DYNLT5: variants seen among roughly 807,000 people sequenced by gnomAD.
The protein encoded by DYNLT5 is dynein light chain Tctex-type 5.
A neutral mutation model predicts 19.3 loss-of-function variants in DYNLT5; 25 were observed. That is an observed-to-expected ratio of 1.30 (90% CI 0.95 to 1.81). The LOEUF (loss-of-function observed/expected upper bound fraction) is 1.81. Among genes scored for constraint, DYNLT5 ranks in the 40% most tolerant of loss-of-function variants. DYNLT5 has a pLI of 0.00. For synonymous variants in DYNLT5, 82 were observed against 68.9 expected (o/e 1.19, Z -0.94); for missense variants, 232 against 217.9 (o/e 1.06, Z -0.41).
chr1:66,757,515 G>C (rs556136390), intron 2 of DYNLT5, among the ~76,000 whole-genome samples: 1 of 152,144 alleles, frequency 6.6e-6, no homozygotes, highest in Admixed American at 6.5e-5. Context: ...ATTTCTGTTA[G>C]ACCTGGACAT....
intron 2 of DYNLT5, among the ~76,000 whole-genome samples, chr1:66,766,408 T>C (rs189038486): frequency 6.6e-6 from 1 of 152,326 alleles, no homozygotes; most frequent in Admixed American, 6.5e-5. Flanking sequence ...ATTTACTTTT[T>C]GGGTATCTCA....
chr1:66,756,287 T>C (rs1464643253), intron 2 of DYNLT5, among the ~76,000 whole-genome samples: 2 of 152,196 alleles, frequency 1.3e-5, no homozygotes, highest in Non-Finnish European at 2.9e-5. Context: ...ATGATCAGCT[T>C]CCAAGTCCCC....
chr1:66,764,321 T>C (rs942532741), intron 2 of DYNLT5, among the ~76,000 whole-genome samples: 3 of 152,262 alleles, frequency 2.0e-5, no homozygotes, highest in Non-Finnish European at 2.9e-5. Flanking sequence ...CTTGGTTATT[T>C]CTAGCTTTTG....
At chr1:66,765,369 A>G (rs2094652888) in intron 2 of DYNLT5, among the ~76,000 whole-genome samples, 2 of 152,180 alleles carry the variant, frequency 1.3e-5, no homozygotes, top group South Asian at 4.1e-4. Context: ...GTTCAATATT[A>G]TCTCTTCCTG....
chr1:66,766,228 A>G (rs1572548043), intron 2 of DYNLT5, among the ~76,000 whole-genome samples: 1 of 152,232 alleles, frequency 6.6e-6, no homozygotes, highest in African/African-American at 2.4e-5. Context: ...TTTAAAAAAT[A>G]AAACCGTAGC....
chr1:66,777,185 C>A lies in DYNLT5; in HGVS notation c.337-66C>A, dbSNP rs1645241272. The A allele has an allele frequency of 5.2e-6, 7 of 1,337,584 alleles. No homozygotes were observed. The East Asian group carries it at 1.6e-4, about 31-fold the overall frequency. 82.9% of individuals were successfully genotyped at this position (1,337,584 alleles called of 1,614,324 possible). ...TAAATTAAATCCCTTATATTTATAA[C>A]AAAGGTTAATGCTTTTGAGTTTCAA... On this transcript the variant is annotated intron_variant, in intron 4 of 4. Transcript: ENST00000282670.
At chr1:66,774,057 C>A (rs1645220818) in intron 3 of DYNLT5, among the ~76,000 whole-genome samples, 1 of 151,698 alleles carries the variant, frequency 6.6e-6, no homozygotes, top group South Asian at 2.1e-4. Flanking sequence ...TTAATCTAAG[C>A]GAAGTATGGA....
chr1:66,762,490 T>G (rs1202476999), intron 2 of DYNLT5, among the ~76,000 whole-genome samples: 1 of 152,236 alleles, frequency 6.6e-6, no homozygotes, highest in Non-Finnish European at 1.5e-5. Context: ...CACTGAAGAC[T>G]TGAACCCGTC....
At position 66,777,352 on chromosome 1, in the gene DYNLT5, C is replaced by T. The variant is rs750403277; in HGVS notation, c.438C>T (p.Ser146=). Residue 146 remains serine (S), a synonymous_variant, in exon 5 of 5, where the codon AGC becomes AGT. Coordinates refer to ENST00000282670, the MANE Select transcript of DYNLT5 (RefSeq NM_152665.3). The part of the protein sequence containing the change: ...QLNRQSILIG[S]RCLWDPKSDT... ...ACAGGCAGAGCATACTTATTGGAAG[C>T]AGATGCCTCTGGGATCCTAAAAGTG... 4 of 1,613,912 alleles carry T rather than the reference C, an allele frequency of 2.5e-6. No individual in the cohort carries two copies. The East Asian group carries it at 6.7e-5, about 27-fold the overall frequency.
chr1:66,773,070 A>C (rs985107330), intron 3 of DYNLT5, among the ~76,000 whole-genome samples: 2 of 152,224 alleles, frequency 1.3e-5, no homozygotes, highest in African/African-American at 4.8e-5. Flanking sequence ...GACTGACTCA[A>C]GGACCTTACT....
At chr1:66,775,314 C>T (rs1460940460) in intron 3 of DYNLT5, 1 of 152,204 alleles carries the variant, frequency 6.6e-6, no homozygotes, top group Non-Finnish European at 1.5e-5. Context: ...AGATTCACCT[C>T]AGAGATCTAT....
chr1:66,763,226 T>C (rs1328490956), intron 2 of DYNLT5, among the ~76,000 whole-genome samples: 1 of 152,228 alleles, frequency 6.6e-6, no homozygotes, highest in Non-Finnish European at 1.5e-5. Flanking sequence ...ACAGTGGGCT[T>C]AAAATATTCA....
chr1:66,757,015 T>C (rs2094637157), intron 2 of DYNLT5, among the ~76,000 whole-genome samples: 1 of 152,252 alleles, frequency 6.6e-6, no homozygotes, highest in South Asian at 2.1e-4. Context: ...TGACCACCTT[T>C]ACCTCCAGAC....
chr1:66,767,663 C>T lies in DYNLT5; in HGVS notation c.120-2724C>T, dbSNP rs988421446. Among the ~76,000 whole-genome samples, 45 of 152,178 alleles carry T rather than the reference C, an allele frequency of 3.0e-4. 1 individual carries two copies. Among genetic ancestry groups the T allele is most frequent in the Non-Finnish European group, 2.4e-4 (16 of 68,032 alleles). Reference sequence around the variant, plus strand: ...ATCTACTGCTGCATATAATAATAAACATTAGTTTAAACAAAATAGAAATTT... The same window carrying T: ...ATCTACTGCTGCATATAATAATAAATATTAGTTTAAACAAAATAGAAATTT... On this transcript the variant is annotated intron_variant, in intron 2 of 4. Coordinates refer to ENST00000282670, the MANE Select transcript of DYNLT5 (RefSeq NM_152665.3).
At chr1:66,769,918 A>G (rs954532234) in intron 2 of DYNLT5, among the ~76,000 whole-genome samples, 1 of 152,148 alleles carries the variant, frequency 6.6e-6, no homozygotes, top group Admixed American at 6.6e-5. Context: ...TGTGAACTAC[A>G]TATAATAGTG....
chr1:66,777,566 C>A lies in DYNLT5; in HGVS notation c.*112C>A. Reference sequence around the variant, plus strand: ...TGAGAAAGAAACAACACTGATATTTCAAGCAACTGGAAGCTTTTGAATTTT... The same window carrying A: ...TGAGAAAGAAACAACACTGATATTTAAAGCAACTGGAAGCTTTTGAATTTT... On this transcript the variant is annotated 3_prime_UTR_variant, in exon 5 of 5. Coordinates refer to ENST00000282670, the MANE Select transcript of DYNLT5 (RefSeq NM_152665.3). The A allele has an allele frequency of 1.1e-6, 1 of 880,860 alleles. No individual in the cohort carries two copies. Among genetic ancestry groups the A allele is most frequent in the Non-Finnish European group, 1.7e-6 (1 of 599,646 alleles). The allele number at this position is 880,860 out of a possible 1,614,324, so 54.6% of individuals were successfully genotyped here.
chr1:66,754,804 T>A, intron 2 of DYNLT5, 27 bp downstream of exon 2: 1 of 1,596,156 alleles, frequency 6.3e-7, no homozygotes. Flanking sequence ...AATTGTAAAT[T>A]CATTTATTGA....
At chr1:66,765,324 A>G (rs1052891698) in intron 2 of DYNLT5, among the ~76,000 whole-genome samples, 6 of 152,240 alleles carry the variant, frequency 3.9e-5, no homozygotes, top group African/African-American at 1.4e-4. Context: ...TGACCTTTAA[A>G]GATACTACTT....
chr1:66,754,959 A>T (rs488584), intron 2 of DYNLT5, among the ~76,000 whole-genome samples, 182 bp downstream of exon 2: 96,524 of 152,106 alleles, frequency 0.63, 31,418 homozygotes, highest in Non-Finnish European at 0.7. Context: ...TTAAGTGATA[A>T]GTTAATCCTA....
Sources: allele counts gnomAD v4.1 joint callset (sites outside exome capture counted in the v4.1 genomes callset), GRCh38; gene constraint gnomAD v4.1.1; transcripts MANE v1.5; gene names NCBI Gene and HGNC (gene_info 2026-07-23, HGNC 2026-07-21).